ZDHHC3: variants seen among roughly 807,000 people sequenced by gnomAD.
ZDHHC3 encodes the protein palmitoyltransferase ZDHHC3.
Under a neutral mutation model 30.6 loss-of-function variants are expected in ZDHHC3, and 9 were observed. That is an observed-to-expected ratio of 0.29 (90% CI 0.18 to 0.51). ZDHHC3 has a LOEUF of 0.51. Among genes scored for constraint, ZDHHC3 ranks in the 20% least tolerant of loss-of-function variants. ZDHHC3 has a pLI of 0.97. For missense variants in ZDHHC3, 246 were observed against 384.2 expected (o/e 0.64, Z 3.01); for synonymous variants, 136 against 140.2 (o/e 0.97, Z 0.21).
chr3:44,938,643 G>A (rs1702181337), intron 3 of ZDHHC3, among the ~76,000 whole-genome samples: 1 of 152,194 alleles, frequency 6.6e-6, no homozygotes, highest in Admixed American at 6.5e-5. Flanking sequence ...GTGGGCAATG[G>A]CAGGTGGATG....
chr3:44,938,058 A>C (rs1559675556), intron 3 of ZDHHC3: 1 of 273,448 alleles, frequency 3.7e-6, no homozygotes. Flanking sequence ...ATCTCGGCTC[A>C]CTGCAGTCTC....
At chr3:44,932,327 G>A (rs1316488760) in intron 5 of ZDHHC3, among the ~76,000 whole-genome samples, 1 of 152,118 alleles carries the variant, frequency 6.6e-6, no homozygotes, top group Non-Finnish European at 1.5e-5. Flanking sequence ...CAGAATTGTG[G>A]GAAGAAGTCA....
chr3:44,941,330 G>A (rs947800998), intron 3 of ZDHHC3, among the ~76,000 whole-genome samples: 10 of 152,202 alleles, frequency 6.6e-5, no homozygotes, highest in African/African-American at 2.4e-4. Flanking sequence ...CAGTGCAGTG[G>A]AGTGGAAAGA....
rs1700361329 is a variant in ZDHHC3 at position 44,918,472 on chromosome 3, G to A, written c.*8217C>T. The stretch of plus-strand genomic sequence containing the variant: ...AATGCCAGATGATGGGCAGGGGCTA[G>A]GCTGATGAGTGGCTGAGGCATAAGG... On this transcript the variant is annotated 3_prime_UTR_variant, in exon 7 of 7. Transcript: ENST00000424952. The A allele has an allele frequency of 1.0e-6, 1 of 985,314 alleles. No homozygotes were observed. Among genetic ancestry groups the A allele is most frequent in the Admixed American group, 6.2e-5 (1 of 16,258 alleles). The allele number at this position is 985,314 out of a possible 1,614,324, so 61.0% of individuals were successfully genotyped here. A position where few individuals can be genotyped will look rare whatever the true frequency, so the allele number is the denominator to read the frequency against.
Position 44,918,379 on chromosome 3 carries a change from C to A in ZDHHC3, c.*8310G>T. 1.0e-6 allele frequency: 1 copy of A among 985,320 alleles called. No individual in the cohort carries two copies. The highest frequency in any genetic ancestry group is 1.2e-6 in the Non-Finnish European group (1 of 829,904). 61.0% of individuals were successfully genotyped at this position (985,320 alleles called of 1,614,324 possible). The stretch of plus-strand genomic sequence containing the variant: ...GCGTGGAGGAACACAGCAAGCAGGG[C>A]CCGCCTGGTGGACTGACGTGTTCTC... On this transcript the variant is annotated 3_prime_UTR_variant, in exon 7 of 7. Transcript: ENST00000424952.
chr3:44,918,915 C>T lies in ZDHHC3; in HGVS notation c.*7774G>A. ...CTCTCCAGGCCCACAACACCCTGCA[C>T]AGAGGCCTTTGACCCTCCACTGGGG... On this transcript the variant is annotated 3_prime_UTR_variant, in exon 7 of 7. Coordinates refer to ENST00000424952, the MANE Select transcript of ZDHHC3 (RefSeq NM_001135179.2). 2.0e-6 allele frequency: 2 copies of T among 985,684 alleles called. No homozygotes were observed. Among genetic ancestry groups the T allele is most frequent in the Non-Finnish European group, 2.4e-6 (2 of 830,142 alleles). The allele number at this position is 985,684 out of a possible 1,614,324, so 61.1% of individuals were successfully genotyped here.
At chr3:44,971,311 T>C (rs1375538273) in intron 1 of ZDHHC3, among the ~76,000 whole-genome samples, 1 of 152,252 alleles carries the variant, frequency 6.6e-6, no homozygotes, top group Non-Finnish European at 1.5e-5. Context: ...GAGGAGACTA[T>C]GAAATGATGA....
chr3:44,942,849 C>T (rs183830396), intron 3 of ZDHHC3, among the ~76,000 whole-genome samples: 8 of 152,330 alleles, frequency 5.3e-5, no homozygotes, highest in Non-Finnish European at 5.9e-5. Context: ...CAACACCAAC[C>T]ACTCCAACTT....
At chr3:44,944,314 T>C (rs1702719141) in intron 3 of ZDHHC3, among the ~76,000 whole-genome samples, 1 of 152,106 alleles carries the variant, frequency 6.6e-6, no homozygotes, top group South Asian at 2.1e-4. Flanking sequence ...GCCCGGCTAA[T>C]TTTGTATCTT....
intron 3 of ZDHHC3, among the ~76,000 whole-genome samples, chr3:44,943,209 C>A (rs552875544): frequency 6.6e-6 from 1 of 152,220 alleles, no homozygotes; most frequent in Non-Finnish European, 1.5e-5. Context: ...CATGTGTCAT[C>A]CCCAAACTGG....
chr3:44,933,302 G>A (rs1284901980), intron 4 of ZDHHC3, 103 bp from the exon 5 acceptor site: 2 of 1,045,828 alleles, frequency 1.9e-6, no homozygotes, highest in Non-Finnish European at 2.9e-6. Flanking sequence ...GGAACACTTA[G>A]TCAGGACAAG....
At chr3:44,932,195 G>A (rs1387192401) in intron 5 of ZDHHC3, among the ~76,000 whole-genome samples, 2 of 151,936 alleles carry the variant, frequency 1.3e-5, no homozygotes, top group East Asian at 3.9e-4. Context: ...CAAGTGATCA[G>A]GAACTTGCTG....
intron 6 of ZDHHC3, 72 bp downstream of exon 6, chr3:44,929,234 C>A: frequency 6.4e-7 from 1 of 1,572,620 alleles, no homozygotes; most frequent in East Asian, 2.3e-5. Flanking sequence ...GTGAGCAGCT[C>A]TCCCAGCAAC....
Position 44,925,778 on chromosome 3 carries a change from C to T in ZDHHC3, c.*911G>A. 1 of 985,778 alleles carries T rather than the reference C, an allele frequency of 1.0e-6. No homozygotes were observed. The highest frequency in any genetic ancestry group is 1.2e-6 in the Non-Finnish European group (1 of 829,936). The allele number at this position is 985,778 out of a possible 1,614,324, so 61.1% of individuals were successfully genotyped here. On this transcript the variant is annotated 3_prime_UTR_variant, in exon 7 of 7. Coordinates refer to ENST00000424952, the MANE Select transcript of ZDHHC3 (RefSeq NM_001135179.2). ...AAATGAGAAGGGGATGATGGTGGGG[C>T]TGTATGTGTTGGGCACTGGTGCCTA...
rs1704216980 is a variant in ZDHHC3, at chr3:44,959,048, CA to C, written c.306+82del. 3 of 1,533,002 alleles carry C rather than the reference CA, an allele frequency of 2.0e-6. No individual in the cohort carries two copies. The African/African-American group carries it at 4.1e-5, about 21-fold the overall frequency. The allele number at this position is 1,533,002 out of a possible 1,614,324, so 95.0% of individuals were successfully genotyped here. A position where few individuals can be genotyped will look rare whatever the true frequency, so the allele number is the denominator to read the frequency against. On this transcript the variant is annotated intron_variant, in intron 2 of 6. Transcript: ENST00000424952. This position sits in a 1 kb window ranked among gnomAD's most constrained non-coding sequence, Gnocchi z 4.3. ...TCCTATCCTCCAAGTTCCCAAGGTC[CA>C]GGGGGAACATGCAGGCTGTGGCCAT... is the stretch of plus-strand genomic sequence containing the variant.
At chr3:44,968,314 A>C (rs1051497621) in intron 1 of ZDHHC3, among the ~76,000 whole-genome samples, 1 of 152,156 alleles carries the variant, frequency 6.6e-6, no homozygotes, top group African/African-American at 2.4e-5. Context: ...CTCTTTAAAA[A>C]AAAACAAAAC....
rs1553691496 is a variant in ZDHHC3, at chr3:44,955,457, T to TATATATATA, written c.306+3673_306+3674insTATATATAT. 8.9e-3 allele frequency among the ~76,000 whole-genome samples: 1,283 copies of TATATATATA among 143,928 alleles called. 12 individuals carry two copies. The highest frequency in any genetic ancestry group is 0.028 in the African/African-American group (1,101 of 39,214). 94.4% of individuals were successfully genotyped at this position (143,928 alleles called of 152,430 possible). A position where few individuals can be genotyped will look rare whatever the true frequency, so the allele number is the denominator to read the frequency against. On this transcript the variant is annotated intron_variant, in intron 2 of 6. Coordinates refer to ENST00000424952, the MANE Select transcript of ZDHHC3 (RefSeq NM_001135179.2). ...CTGCTTGAGGGAGACCACAAGGTTT[T>TATATATATA]TATATATATATATATATATGTATAT...
rs1204924101 is a variant in ZDHHC3, at chr3:44,922,249, A to C, written c.*4440T>G. On this transcript the variant is annotated 3_prime_UTR_variant, in exon 7 of 7. Transcript: ENST00000424952. Reference sequence around the variant, plus strand: ...AGAAAGCAAAGGTCAAGACGTGTTCAGGTCATGTATCCAGGCTGCTACAAT... The same window carrying C: ...AGAAAGCAAAGGTCAAGACGTGTTCCGGTCATGTATCCAGGCTGCTACAAT... 1 of 985,362 alleles carries C rather than the reference A, an allele frequency of 1.0e-6. No homozygotes were observed. Among genetic ancestry groups the C allele is most frequent in the Non-Finnish European group, 1.2e-6 (1 of 829,946 alleles). The allele number at this position is 985,362 out of a possible 1,614,324, so 61.0% of individuals were successfully genotyped here.
At chr3:44,965,101 G>C (rs1422281593) in intron 1 of ZDHHC3, among the ~76,000 whole-genome samples, 1 of 152,104 alleles carries the variant, frequency 6.6e-6, no homozygotes, top group Non-Finnish European at 1.5e-5. Flanking sequence ...GTGAGGGGCA[G>C]TGTGTGGGAA....
Sources: gnomAD v4.1 joint callset for allele counts (sites outside exome capture counted in the v4.1 genomes callset) on GRCh38, gnomAD v4.1.1 for gene constraint, Gnocchi (gnomAD v3.1) non-coding constraint, MANE v1.5 for transcripts, NCBI Gene and HGNC (gene_info 2026-07-23, HGNC 2026-07-21) for gene names.